Variants in SPAG9 observed in about 807,000 individuals in gnomAD.
SPAG9 encodes sperm associated antigen 9.
SPAG9 carries 35 observed loss-of-function variants against 166.5 expected under a neutral mutation model. The observed-to-expected ratio is 0.21, with a 90% CI of 0.16 to 0.28. SPAG9 has a LOEUF of 0.28. SPAG9 is among the 10% of genes least tolerant of loss of function. The probability of loss-of-function intolerance (pLI) is 1.00; values close to 1 mark genes in which losing one functional copy is unlikely to be tolerated. For synonymous variants in SPAG9, 534 were observed against 565.5 expected (o/e 0.94, Z 0.79); for missense variants, 1,235 against 1,603.3 (o/e 0.77, Z 3.92).
At chr17:51,059,117 T>C (rs888108755) in intron 2 of SPAG9, among the ~76,000 whole-genome samples, 8 of 152,140 alleles carry the variant, frequency 5.3e-5, no homozygotes, top group South Asian at 2.1e-4. Context: ...AAATATGATA[T>C]TGAAGGAAAG....
intron 5 of SPAG9, chr17:51,031,932 C>T (rs2046399815): frequency 4.5e-6 from 3 of 666,816 alleles, no homozygotes; most frequent in Non-Finnish European, 8.3e-6. Context: ...CAGAAGCCAC[C>T]ACTTGGATCA....
intron 1 of SPAG9, among the ~76,000 whole-genome samples, chr17:51,105,692 A>C (rs548645450): frequency 6.6e-6 from 1 of 151,974 alleles, no homozygotes; most frequent in East Asian, 1.9e-4. Context: ...ACACAGTGAA[A>C]CCTCGTCTCT....
intron 5 of SPAG9, among the ~76,000 whole-genome samples, chr17:51,032,773 A>G (rs952215408): frequency 6.6e-6 from 1 of 152,010 alleles, no homozygotes; most frequent in Non-Finnish European, 1.5e-5. Context: ...TGTCTCTACT[A>G]AAAATACAAA....
chr17:51,038,776 C>G (rs925885038), intron 5 of SPAG9, among the ~76,000 whole-genome samples: 2 of 152,204 alleles, frequency 1.3e-5, no homozygotes, highest in African/African-American at 2.4e-5. Flanking sequence ...CCCATCCTTA[C>G]TAATTACTCT....
rs572668435 is a variant in SPAG9, at chr17:50,995,260, G to C, written c.2059-36C>G. On this transcript the variant is annotated intron_variant, in intron 17 of 29. Coordinates refer to ENST00000262013, the MANE Select transcript of SPAG9 (RefSeq NM_001130528.3). ...GAAAAAGAAAACAATATTAAGTCTAGAAATGTTTAGCATTTTCATGTTTTC... is the reference window on the plus strand; with the variant it reads ...GAAAAAGAAAACAATATTAAGTCTACAAATGTTTAGCATTTTCATGTTTTC... The C allele has an allele frequency of 1.7e-4, 268 of 1,580,872 alleles. 4 individuals are homozygous for C. In the South Asian group the frequency reaches 2.9e-3, roughly 17 times the overall value.
chr17:51,000,270 A>G (rs976697742), intron 13 of SPAG9, among the ~76,000 whole-genome samples: 1 of 152,268 alleles, frequency 6.6e-6, no homozygotes, highest in Non-Finnish European at 1.5e-5. Flanking sequence ...AAATTGATTT[A>G]TGAGGTGGTA....
chr17:51,096,024 T>G (rs1240073828), intron 1 of SPAG9, among the ~76,000 whole-genome samples: 1 of 100,674 alleles, frequency 9.9e-6, no homozygotes, highest in African/African-American at 5.1e-5. Context: ...TATATAGTGA[T>G]ATATATATAT....
chr17:51,001,897 G>A (rs2143965756), intron 12 of SPAG9, 52 bp from the exon 13 acceptor site: 6 of 1,551,708 alleles, frequency 3.9e-6, no homozygotes, highest in Non-Finnish European at 5.3e-6. Context: ...AAATGTCTTG[G>A]TGTTCATCTC....
chr17:50,975,098 G>GA (rs376297921), intron 27 of SPAG9, 151 bp from the exon 28 acceptor site: 53 of 637,550 alleles, frequency 8.3e-5, no homozygotes, highest in Admixed American at 1.9e-4. Context: ...ACAAAGCTGG[G>GA]AAAAAAAGAG....
intron 4 of SPAG9, chr17:51,046,816 C>T (rs1177959237): frequency 2.6e-6 from 4 of 1,533,298 alleles, no homozygotes; most frequent in Admixed American, 3.9e-5. Flanking sequence ...AGCTCCCAAG[C>T]GATGACGTCA....
At chr17:51,113,469 T>A (rs1365703555) in intron 1 of SPAG9, among the ~76,000 whole-genome samples, 2 of 150,492 alleles carry the variant, frequency 1.3e-5, no homozygotes, top group African/African-American at 4.9e-5. Flanking sequence ...CACCTGAGGT[T>A]AGGAGTTCAA....
chr17:51,091,815 T>TAA (rs572412313), intron 1 of SPAG9, among the ~76,000 whole-genome samples: 4 of 143,480 alleles, frequency 2.8e-5, no homozygotes, highest in Admixed American at 7.0e-5. Context: ...TAGACACCGT[T>TAA]AAAAAAAAAA....
chr17:51,001,647 C>A lies in SPAG9; in HGVS notation c.1607+68G>T, dbSNP rs534886887. On this transcript the variant is annotated intron_variant, in intron 13 of 29. Transcript: ENST00000262013. ...GATCTTACAGGGCAGGACTTAAGTT[C>A]CACATGAAGGAATATTCAAACCTAC... 2.0e-5 allele frequency: 30 copies of A among 1,491,212 alleles called. 1 individual carries two copies. The South Asian group carries it at 3.4e-4, about 17-fold the overall frequency. 92.4% of individuals were successfully genotyped at this position (1,491,212 alleles called of 1,614,324 possible).
intron 9 of SPAG9, chr17:51,009,192 T>C: frequency 2.2e-6 from 1 of 449,862 alleles, no homozygotes; most frequent in Non-Finnish European, 4.5e-6. Flanking sequence ...AATTAGATTG[T>C]TTTCAGAAAG....
rs530882241 is a variant in SPAG9 at position 50,991,594 on chromosome 17, T to G, written c.2399-926A>C. Among the ~76,000 whole-genome samples the G allele has an allele frequency of 3.9e-5, 6 of 152,120 alleles. No homozygotes were observed. In the South Asian group the frequency reaches 1.2e-3, roughly 32 times the overall value. ...GCACTAATATTTACAATATTGGCATTAATATTTATAACATTGTGTAGCCAT... is the reference window on the plus strand; with the variant it reads ...GCACTAATATTTACAATATTGGCATGAATATTTATAACATTGTGTAGCCAT... On this transcript the variant is annotated intron_variant, in intron 19 of 29. Coordinates refer to ENST00000262013, the MANE Select transcript of SPAG9 (RefSeq NM_001130528.3).
chr17:50,993,033 T>A (rs1975735862), intron 19 of SPAG9, among the ~76,000 whole-genome samples: 1 of 148,324 alleles, frequency 6.7e-6, no homozygotes, highest in African/African-American at 2.5e-5. Context: ...GAGGTAGAGG[T>A]TGCAGTAAGC....
chr17:50,993,848 TAAG>T lies in SPAG9; in HGVS notation c.2311_2313del (p.Leu771del). ...TTGCCAGGTTGAACAGCATCAATAA[TAAG>T]AACTTTTGTAGCCGAATGAGTGCTG... On this transcript the variant is annotated inframe_deletion, in exon 19 of 30. Transcript: ENST00000262013. The T allele has an allele frequency of 1.2e-6, 2 of 1,614,176 alleles. No individual in the cohort carries two copies. The highest frequency in any genetic ancestry group is 1.7e-6 in the Non-Finnish European group (2 of 1,180,010).
intron 4 of SPAG9, chr17:51,046,790 C>A (rs1188091622): frequency 4.6e-6 from 7 of 1,534,280 alleles, no homozygotes; most frequent in African/African-American, 2.7e-5. Context: ...AGCAGCTTTC[C>A]ACTCCATCCT....
Position 50,999,652 on chromosome 17 carries a change from A to C in SPAG9, c.1664+9T>G, listed in dbSNP as rs750400541. ...GTGCTGTCTAACATCTTTGTTTTTC[A>C]ATACTTACAACTGCCAAATGCTTGA... On this transcript the variant is annotated intron_variant, in intron 14 of 29. Coordinates refer to ENST00000262013, the MANE Select transcript of SPAG9 (RefSeq NM_001130528.3). The C allele has an allele frequency of 2.5e-6, 4 of 1,609,454 alleles. No individual in the cohort carries two copies. The Admixed American group carries it at 6.7e-5, about 27-fold the overall frequency.
Sources: gnomAD v4.1 joint callset for allele counts (sites outside exome capture counted in the v4.1 genomes callset) on GRCh38, gnomAD v4.1.1 for gene constraint, MANE v1.5 for transcripts, NCBI Gene and HGNC (gene_info 2026-07-23, HGNC 2026-07-21) for gene names.